The following TBC1D22A variants were observed in gnomAD, a reference collection of about 807,000 sequenced individuals.
The protein encoded by TBC1D22A is TBC1 domain family member 22A, also known as putative GTPase activator.
TBC1D22A carries 38 observed loss-of-function variants against 60.2 expected under a neutral mutation model. The ratio of observed to expected loss-of-function variants is 0.63; its 90% CI spans 0.49 to 0.83. TBC1D22A has a LOEUF of 0.83. Ranked by LOEUF, TBC1D22A falls within the 40% of genes least tolerant of loss-of-function variation. The pLI is 0.00. For synonymous variants in TBC1D22A, 302 were observed against 281.7 expected (o/e 1.07, Z -0.72); for missense variants, 628 against 701.0 (o/e 0.90, Z 1.18).
At chr22:47,166,357 G>A (rs1406213256) in intron 12 of TBC1D22A, among the ~76,000 whole-genome samples, 1 of 152,174 alleles carries the variant, frequency 6.6e-6, no homozygotes, top group Admixed American at 6.5e-5. Context: ...AAAGAAAGAG[G>A]CAGGTGTCAT....
intron 11 of TBC1D22A, among the ~76,000 whole-genome samples, chr22:47,109,469 C>T (rs141336282): frequency 7.3e-4 from 111 of 152,246 alleles, no homozygotes; most frequent in African/African-American, 2.5e-3. Context: ...GTGGTCTGGC[C>T]CCAGCTCGCT....
intron 9 of TBC1D22A, among the ~76,000 whole-genome samples, chr22:46,979,396 G>A (rs531549572): frequency 3.9e-5 from 6 of 152,284 alleles, no homozygotes; most frequent in African/African-American, 1.2e-4. Flanking sequence ...CCAGAGACCC[G>A]CGTTTGAATA....
chr22:46,974,497 T>G (rs1432645764), intron 9 of TBC1D22A, 98 bp downstream of exon 9: 20 of 982,550 alleles, frequency 2.0e-5, no homozygotes, highest in Non-Finnish European at 2.8e-5. Context: ...AGTGTGGCCA[T>G]GCAGTCCCTC....
intron 11 of TBC1D22A, among the ~76,000 whole-genome samples, chr22:47,098,415 GA>G (rs1445983334): frequency 6.6e-6 from 1 of 152,206 alleles, no homozygotes; most frequent in African/African-American, 2.4e-5. Flanking sequence ...CTGACACCCT[GA>G]TGCTGCCACC....
chr22:47,095,130 T>A (rs1212172746), intron 11 of TBC1D22A, among the ~76,000 whole-genome samples: 1 of 152,236 alleles, frequency 6.6e-6, no homozygotes, highest in Non-Finnish European at 1.5e-5. Flanking sequence ...GTGCTCTGCA[T>A]TATGGGCTGG....
In TBC1D22A at chr22:46,909,295, T is replaced by C. The variant is rs62232695; in HGVS notation, c.901-2779T>C. Reference sequence around the variant, plus strand: ...ACTGCCTAAATTCTTCCTATACACATACACACACACACACACACTCACACA... The same window carrying C: ...ACTGCCTAAATTCTTCCTATACACACACACACACACACACACACTCACACA... On this transcript the variant is annotated intron_variant, in intron 7 of 12. Transcript: ENST00000337137. 3.0e-4 allele frequency among the ~76,000 whole-genome samples: 45 copies of C among 150,610 alleles called. No homozygotes were observed. The South Asian group carries it at 5.1e-3, about 17-fold the overall frequency.
At chr22:46,882,424 C>T (rs950386410) in intron 5 of TBC1D22A, among the ~76,000 whole-genome samples, 6 of 152,080 alleles carry the variant, frequency 3.9e-5, no homozygotes, top group African/African-American at 9.7e-5. Context: ...GGGCTGAAGA[C>T]GGCTGCTCTA....
intron 4 of TBC1D22A, among the ~76,000 whole-genome samples, chr22:46,827,765 G>A (rs1434718121): frequency 6.6e-6 from 1 of 152,182 alleles, no homozygotes; most frequent in African/African-American, 2.4e-5. Context: ...CCTGGGTGGA[G>A]CGTACTGGGG....
chr22:46,807,506 C>A (rs1490064460), intron 4 of TBC1D22A, among the ~76,000 whole-genome samples: 1 of 152,134 alleles, frequency 6.6e-6, no homozygotes, highest in Non-Finnish European at 1.5e-5. Flanking sequence ...TGTGACAAAG[C>A]CATTTGCTTG....
intron 4 of TBC1D22A, among the ~76,000 whole-genome samples, chr22:46,858,403 G>A (rs1489970876): frequency 6.6e-6 from 1 of 152,226 alleles, no homozygotes; most frequent in Non-Finnish European, 1.5e-5. Flanking sequence ...CCGGGCTGGA[G>A]GCAGCCGACA....
chr22:46,946,770 C>T (rs1312095177), intron 8 of TBC1D22A, among the ~76,000 whole-genome samples: 6 of 152,196 alleles, frequency 3.9e-5, no homozygotes, highest in Non-Finnish European at 7.4e-5. Context: ...CCTGGGGCCC[C>T]TTCCTCTAGG....
intron 12 of TBC1D22A, among the ~76,000 whole-genome samples, chr22:47,171,541 T>C (rs2068452146): frequency 6.6e-6 from 1 of 152,200 alleles, no homozygotes; most frequent in South Asian, 2.1e-4. Context: ...GGGCTTGGGC[T>C]GGCCCTGACC....
At chr22:47,095,732 G>A (rs1451145978) in intron 11 of TBC1D22A, among the ~76,000 whole-genome samples, 2 of 152,336 alleles carry the variant, frequency 1.3e-5, no homozygotes, top group Non-Finnish European at 1.5e-5. Flanking sequence ...GAAACTCATG[G>A]CAGTTCTTAA....
chr22:46,958,674 T>C (rs1431872634), intron 8 of TBC1D22A, among the ~76,000 whole-genome samples: 4 of 152,232 alleles, frequency 2.6e-5, no homozygotes, highest in Non-Finnish European at 5.9e-5. Flanking sequence ...GTCGGGACTT[T>C]TCCCCCAGCT....
chr22:47,062,924 C>T lies in TBC1D22A; in HGVS notation c.1329+25726C>T, dbSNP rs1022475088. Among the ~76,000 whole-genome samples, 23 of 19,090 alleles carry T rather than the reference C, an allele frequency of 1.2e-3. No individual in the cohort carries two copies. The South Asian group carries it at 0.028, about 23-fold the overall frequency. The allele number at this position is 19,090 out of a possible 152,430, so 12.5% of individuals were successfully genotyped here. On this transcript the variant is annotated intron_variant, in intron 11 of 12. Transcript: ENST00000337137. ...CAGCCCCCCAGGCCACCATGTGCAA[C>T]GAGTTAGTTGGTACTGCATCTGGGA...
intron 4 of TBC1D22A, among the ~76,000 whole-genome samples, chr22:46,841,236 A>C (rs939121021): frequency 4.6e-5 from 7 of 152,140 alleles, no homozygotes; most frequent in African/African-American, 1.7e-4. Context: ...CTCATGGATG[A>C]GGTTAGGGCC....
At chr22:47,157,964 G>A (rs927919183) in intron 12 of TBC1D22A, among the ~76,000 whole-genome samples, 2 of 152,210 alleles carry the variant, frequency 1.3e-5, no homozygotes, top group African/African-American at 4.8e-5. Flanking sequence ...TGGGCGTCGT[G>A]GCTCTTAACT....
At chr22:46,937,895 T>C (rs1214969122) in intron 8 of TBC1D22A, among the ~76,000 whole-genome samples, 1 of 150,976 alleles carries the variant, frequency 6.6e-6, no homozygotes, top group Non-Finnish European at 1.5e-5. Flanking sequence ...AATAAGAAAA[T>C]GAAGAAAAAA....
chr22:47,131,866 G>A (rs986905035), intron 12 of TBC1D22A, among the ~76,000 whole-genome samples: 13 of 152,302 alleles, frequency 8.5e-5, no homozygotes, highest in Non-Finnish European at 1.8e-4. Context: ...CGCCCGCCCC[G>A]TCCAAGCCCA....
Sources: gnomAD v4.1 joint callset for allele counts (sites outside exome capture counted in the v4.1 genomes callset) on GRCh38, gnomAD v4.1.1 for gene constraint, MANE v1.5 for transcripts, NCBI Gene and HGNC (gene_info 2026-07-23, HGNC 2026-07-21) for gene names.